Variants in NPRL3 observed in about 807,000 individuals in gnomAD.
The protein encoded by NPRL3 is NPR3 like, GATOR1 complex subunit.
NPRL3 carries 23 observed loss-of-function variants against 57.2 expected under a neutral mutation model. The observed-to-expected ratio is 0.40, with a 90% CI of 0.29 to 0.57. The LOEUF is 0.57. NPRL3 is among the 20% of genes least tolerant of loss of function. The pLI is 0.42. For missense variants in NPRL3, 691 were observed against 767.1 expected (o/e 0.90, Z 1.17); for synonymous variants, 333 against 321.1 (o/e 1.04, Z -0.39).
chr16:131,723 G>A (rs1428651306), intron 2 of NPRL3, among the ~76,000 whole-genome samples: 1 of 151,870 alleles, frequency 6.6e-6, no homozygotes, highest in African/African-American at 2.4e-5. Context: ...ACTTGCTGAA[G>A]GCTGGGGTGC....
chr16:102,179 T>C (rs1899327861), intron 7 of NPRL3, among the ~76,000 whole-genome samples: 1 of 152,142 alleles, frequency 6.6e-6, no homozygotes, highest in South Asian at 2.1e-4. Context: ...AGGAGTTGTT[T>C]TCACCAGGAG....
chr16:108,572 T>A (rs1453383735), intron 7 of NPRL3, among the ~76,000 whole-genome samples: 1 of 152,054 alleles, frequency 6.6e-6, no homozygotes, highest in East Asian at 1.9e-4. Context: ...TGGAACAAAC[T>A]CAATGGTGGG....
rs554836466 is a variant in NPRL3 at position 130,603 on chromosome 16, C to A, written c.119-12G>T. ...GCTACGCGGCTTACCTGAGTCGGGG[C>A]GAAAAGAGGGGAAGGGCTAAGAAAA... On this transcript the variant is annotated splice_polypyrimidine_tract_variant and intron_variant, in intron 2 of 13. Transcript: ENST00000611875. The A allele has an allele frequency of 3.5e-5, 55 of 1,552,496 alleles. No homozygotes were observed. The highest frequency in any genetic ancestry group is 1.7e-4 in the Middle Eastern group (1 of 6,016).
intron 9 of NPRL3, among the ~76,000 whole-genome samples, chr16:94,876 T>TGCA (rs1004928835): frequency 6.6e-6 from 1 of 152,142 alleles, no homozygotes; most frequent in African/African-American, 2.4e-5. Context: ...TGCCTCTCCC[T>TGCA]GCAGCAGCCT....
intron 3 of NPRL3, among the ~76,000 whole-genome samples, chr16:121,271 C>T (rs956836338): frequency 6.6e-6 from 1 of 152,156 alleles, no homozygotes; most frequent in African/African-American, 2.4e-5. Flanking sequence ...AGGCTCTTTC[C>T]CTGCTAGAGG....
chr16:108,693 T>C (rs966608229), intron 7 of NPRL3, among the ~76,000 whole-genome samples: 2 of 152,124 alleles, frequency 1.3e-5, no homozygotes, highest in Non-Finnish European at 2.9e-5. Context: ...ATTTTTGAGA[T>C]GACATCTAGT....
chr16:103,341 A>G (rs1351952077), intron 7 of NPRL3, among the ~76,000 whole-genome samples: 2 of 84,898 alleles, frequency 2.4e-5, no homozygotes, highest in African/African-American at 4.5e-5. Context: ...GACAGGGTCT[A>G]TGTTGCCTAG....
chr16:114,863 A>T (rs549616326), intron 5 of NPRL3, among the ~76,000 whole-genome samples: 1 of 152,098 alleles, frequency 6.6e-6, no homozygotes, highest in South Asian at 2.1e-4. Context: ...AGAGAGAGGG[A>T]AGGAAATATA....
intron 7 of NPRL3, among the ~76,000 whole-genome samples, chr16:106,521 C>T (rs2141938159): frequency 6.6e-6 from 1 of 150,674 alleles, no homozygotes; most frequent in South Asian, 2.1e-4. Context: ...ATAGTCCCAG[C>T]TACTCGGGAG....
chr16:138,199 C>G lies in NPRL3; in HGVS notation c.69G>C (p.Leu23=), dbSNP rs1901210325. Residue 23 remains leucine, a synonymous_variant, in exon 2 of 14, where the codon CTG becomes CTC. Transcript: ENST00000611875. ...VSSGSRGNKL[L]FRYPFQRSQE... is the part of the protein sequence containing the mutation. ...GGCTTCTCTGGAAGGGGTACCTGAA[C>G]AGCAGCTTATTGCCCCTGCTCCCCG... is the stretch of plus-strand genomic sequence containing the variant. The G allele has an allele frequency of 2.5e-6, 4 of 1,610,562 alleles. No homozygotes were observed. The highest frequency in any genetic ancestry group is 2.5e-6 in the Non-Finnish European group (3 of 1,178,718).
intron 3 of NPRL3, 27 bp downstream of exon 3, chr16:130,491 CCCCG>C: frequency 6.5e-7 from 1 of 1,543,218 alleles, no homozygotes; most frequent in Non-Finnish European, 8.7e-7. Context: ...CCAGGACACG[CCCCG>C]CCCTGAAGTG....
intron 3 of NPRL3, among the ~76,000 whole-genome samples, chr16:122,470 G>A (rs937735569): frequency 2.6e-5 from 4 of 152,212 alleles, no homozygotes; most frequent in African/African-American, 9.7e-5. Flanking sequence ...GAGATTGGGG[G>A]TGGGGCAAAA....
At chr16:100,116 C>T (rs1044593151) in intron 8 of NPRL3, among the ~76,000 whole-genome samples, 8 of 152,106 alleles carry the variant, frequency 5.3e-5, no homozygotes, top group Admixed American at 6.6e-5. Context: ...CTCAGCCCCA[C>T]ATCCAGGCTG....
At chr16:126,290 T>A (rs1900512135) in intron 3 of NPRL3, 1 of 150,938 alleles carries the variant, frequency 6.6e-6, no homozygotes, top group Non-Finnish European at 1.5e-5. Context: ...GTGCAGTGGT[T>A]CACGCCTGTA....
chr16:128,534 C>T (rs1017063290), intron 3 of NPRL3, among the ~76,000 whole-genome samples: 1 of 151,854 alleles, frequency 6.6e-6, no homozygotes, highest in African/African-American at 2.4e-5. Context: ...TTTGGGAGGC[C>T]GAGGCTGGTG....
At chr16:89,178 T>G in intron 12 of NPRL3, 1 of 436,042 alleles carries the variant, frequency 2.3e-6, no homozygotes, top group Non-Finnish European at 4.2e-6. Flanking sequence ...GGGCATCCTG[T>G]CCCTCACCCA....
intron 3 of NPRL3, among the ~76,000 whole-genome samples, chr16:124,452 C>T (rs1005432652): frequency 4.6e-5 from 7 of 152,004 alleles, no homozygotes; most frequent in Non-Finnish European, 8.8e-5. Flanking sequence ...CCTCCTGCCT[C>T]GGCCTCCCAA....
At chr16:105,690 T>C (rs1899495726) in intron 7 of NPRL3, among the ~76,000 whole-genome samples, 1 of 152,196 alleles carries the variant, frequency 6.6e-6, no homozygotes, top group African/African-American at 2.4e-5. Flanking sequence ...GAATCTACAC[T>C]GCTGTTATTC....
intron 10 of NPRL3, chr16:92,982 C>G: frequency 1.6e-6 from 1 of 616,606 alleles, no homozygotes. Flanking sequence ...GAAGAGCCAG[C>G]CTGGAGGAGG....
Sources: allele counts gnomAD v4.1 joint callset (sites outside exome capture counted in the v4.1 genomes callset), GRCh38; gene constraint gnomAD v4.1.1; transcripts MANE v1.5; gene names NCBI Gene and HGNC (gene_info 2026-07-23, HGNC 2026-07-21).